Variants in EPHA3 observed in about 807,000 individuals in gnomAD.
EPHA3 encodes the protein EPH receptor A3, also known as ephrin type-A receptor 3.
In EPHA3, 42 loss-of-function variants were observed where a neutral mutation model predicts 107.1. The observed-to-expected ratio is 0.39, with a 90% CI of 0.31 to 0.51. The LOEUF is 0.51. Ranked by LOEUF, EPHA3 falls within the 20% of genes least tolerant of loss-of-function variation. The pLI is 0.78. For missense variants in EPHA3, 1,183 were observed against 1,211.2 expected (o/e 0.98, Z 0.35); for synonymous variants, 461 against 424.8 (o/e 1.09, Z -1.05).
chr3:89,455,437 A>G (rs940077678), intron 15 of EPHA3, among the ~76,000 whole-genome samples: 97 of 152,334 alleles, frequency 6.4e-4, no homozygotes, highest in African/African-American at 2.3e-3. Flanking sequence ...TCTGTCATGA[A>G]CCTAAGGAGG....
intron 3 of EPHA3, among the ~76,000 whole-genome samples, chr3:89,271,012 TA>T (rs1162368494): frequency 5.3e-5 from 8 of 151,936 alleles, no homozygotes; most frequent in Admixed American, 2.0e-4. Flanking sequence ...TTAATCAAGT[TA>T]AAAAAACTGA....
intron 3 of EPHA3, among the ~76,000 whole-genome samples, chr3:89,273,993 A>G (rs1371794933): frequency 1.3e-5 from 2 of 151,940 alleles, no homozygotes; most frequent in Non-Finnish European, 2.9e-5. Context: ...TTACAGTGTG[A>G]GAGTTGAAAT....
intron 2 of EPHA3, among the ~76,000 whole-genome samples, chr3:89,181,103 C>G (rs1442588605): frequency 6.6e-6 from 1 of 151,924 alleles, no homozygotes; most frequent in Non-Finnish European, 1.5e-5. Flanking sequence ...TTGAGTTTGA[C>G]AGACTTAAGT....
chr3:89,343,597 A>C (rs182027455), intron 5 of EPHA3, among the ~76,000 whole-genome samples: 1 of 152,196 alleles, frequency 6.6e-6, no homozygotes, highest in Non-Finnish European at 1.5e-5. Flanking sequence ...TTTAAATATA[A>C]GCCATGGCAG....
intron 3 of EPHA3, among the ~76,000 whole-genome samples, chr3:89,244,148 C>T (rs1324568244): frequency 6.6e-6 from 1 of 151,782 alleles, no homozygotes; most frequent in Non-Finnish European, 1.5e-5. Context: ...GATACACAAA[C>T]TGTAATTCTG....
chr3:89,371,721 T>TACAC (rs111924124), intron 5 of EPHA3, among the ~76,000 whole-genome samples: 5 of 147,590 alleles, frequency 3.4e-5, no homozygotes, highest in South Asian at 2.1e-4. Flanking sequence ...GTGATACACA[T>TACAC]ACACACACAC....
chr3:89,121,497 G>A (rs1476577472), intron 1 of EPHA3, among the ~76,000 whole-genome samples: 4 of 151,556 alleles, frequency 2.6e-5, no homozygotes, highest in Non-Finnish European at 1.5e-5. Context: ...GGTGGCTCAC[G>A]CCTGTAATCT....
chr3:89,356,033 T>C (rs1707945184), intron 5 of EPHA3, among the ~76,000 whole-genome samples: 1 of 128,252 alleles, frequency 7.8e-6, no homozygotes, highest in Non-Finnish European at 1.6e-5. Context: ...CCTTCCTGTG[T>C]CCATGTGTTC....
At position 89,481,696 on chromosome 3, in the gene EPHA3, T is replaced by G. The variant is rs1710623941; in HGVS notation, c.*2194T>G. ...TATTAATATTTTTCTCCTTGACCTC[T>G]CATAAATTTACTTTACACAATTCTT... On this transcript the variant is annotated 3_prime_UTR_variant, in exon 17 of 17. Transcript: ENST00000336596. The G allele has an allele frequency of 4.3e-6, 1 of 231,854 alleles. No individual in the cohort carries two copies. Among genetic ancestry groups the G allele is most frequent in the Non-Finnish European group, 8.5e-6 (1 of 117,032 alleles). 14.4% of individuals were successfully genotyped at this position (231,854 alleles called of 1,614,324 possible). A position where few individuals can be genotyped will look rare whatever the true frequency, so the allele number is the denominator to read the frequency against.
chr3:89,424,113 T>G (rs1709407673), intron 11 of EPHA3, among the ~76,000 whole-genome samples: 1 of 151,380 alleles, frequency 6.6e-6, no homozygotes, highest in African/African-American at 2.4e-5. Flanking sequence ...ATAATAACAT[T>G]ATTGTAATGC....
intron 5 of EPHA3, among the ~76,000 whole-genome samples, chr3:89,356,422 A>G (rs963816299): frequency 3.3e-5 from 5 of 151,120 alleles, no homozygotes; most frequent in African/African-American, 9.7e-5. Flanking sequence ...GACTTCCACA[A>G]TGTTTGGACT....
intron 3 of EPHA3, among the ~76,000 whole-genome samples, chr3:89,334,800 C>T (rs1045363193): frequency 5.3e-5 from 8 of 152,224 alleles, no homozygotes; most frequent in African/African-American, 1.9e-4. Context: ...TTTGAAGATA[C>T]CTGATCAGTA....
chr3:89,140,122 T>G, intron 2 of EPHA3, among the ~76,000 whole-genome samples: 1 of 152,002 alleles, frequency 6.6e-6, no homozygotes, highest in South Asian at 2.1e-4. Context: ...GAGCTGTCAC[T>G]TGACGACTAA....
At chr3:89,139,261 C>G (rs986488707) in intron 2 of EPHA3, among the ~76,000 whole-genome samples, 7 of 151,714 alleles carry the variant, frequency 4.6e-5, no homozygotes, top group Admixed American at 2.6e-4. Context: ...TATTCCATGC[C>G]ATGGAATCCC....
chr3:89,295,063 G>A (rs1706313275), intron 3 of EPHA3, among the ~76,000 whole-genome samples: 2 of 152,076 alleles, frequency 1.3e-5, no homozygotes, highest in Non-Finnish European at 1.5e-5. Flanking sequence ...ACACTTGTAT[G>A]TATACACATA....
chr3:89,334,637 G>A (rs1707356389), intron 3 of EPHA3, among the ~76,000 whole-genome samples: 1 of 152,116 alleles, frequency 6.6e-6, no homozygotes, highest in African/African-American at 2.4e-5. Flanking sequence ...GGTGCTGGAT[G>A]GTGTGCCAGA....
intron 1 of EPHA3, among the ~76,000 whole-genome samples, chr3:89,124,865 T>C (rs1704059981): frequency 6.6e-6 from 1 of 151,984 alleles, no homozygotes; most frequent in Admixed American, 6.5e-5. Flanking sequence ...GCAATAAATT[T>C]AATTAATCTT....
chr3:89,418,365 A>G (rs1465311657), intron 10 of EPHA3, among the ~76,000 whole-genome samples: 1 of 151,394 alleles, frequency 6.6e-6, no homozygotes, highest in African/African-American at 2.4e-5. Flanking sequence ...AATAAATGTA[A>G]AGGGTATCTG....
At chr3:89,176,674 AG>A (rs1705326957) in intron 2 of EPHA3, among the ~76,000 whole-genome samples, 1 of 152,122 alleles carries the variant, frequency 6.6e-6, no homozygotes, top group South Asian at 2.1e-4. Context: ...ACATATTAAC[AG>A]TCTTAAATCT....
Sources: gnomAD v4.1 joint callset for allele counts (sites outside exome capture counted in the v4.1 genomes callset) on GRCh38, gnomAD v4.1.1 for gene constraint, MANE v1.5 for transcripts, NCBI Gene and HGNC (gene_info 2026-07-23, HGNC 2026-07-21) for gene names.